Variants in TMEM132C observed in about 807,000 individuals in gnomAD.
TMEM132C encodes the protein protein phosphatase 1, regulatory subunit 152.
In TMEM132C, 29 loss-of-function variants were observed where a neutral mutation model predicts 61.4. That is an observed-to-expected ratio of 0.47 (90% CI 0.35 to 0.64). TMEM132C has a LOEUF of 0.64. TMEM132C is among the 30% of genes least tolerant of loss of function. The pLI is 0.00. For missense variants in TMEM132C, 1,408 were observed against 1,476.9 expected (o/e 0.95, Z 0.76); for synonymous variants, 656 against 633.1 (o/e 1.04, Z -0.54).
At chr12:128,420,376 G>A (rs146068980) in intron 2 of TMEM132C, among the ~76,000 whole-genome samples, 4 of 152,256 alleles carry the variant, frequency 2.6e-5, no homozygotes, top group African/African-American at 4.8e-5. Flanking sequence ...AGGGAAACAC[G>A]TGCAAAGGTC....
chr12:128,588,533 C>T (rs572008181), intron 3 of TMEM132C, among the ~76,000 whole-genome samples: 40 of 152,274 alleles, frequency 2.6e-4, no homozygotes, highest in Admixed American at 2.2e-3. Context: ...AGTTGGGAAT[C>T]GCCATGGGTT....
chr12:128,339,452 G>A (rs1330876087), intron 1 of TMEM132C, among the ~76,000 whole-genome samples: 3 of 151,978 alleles, frequency 2.0e-5, no homozygotes, highest in Non-Finnish European at 4.4e-5. Context: ...TCAGCACAGC[G>A]TGTTCCTAGG....
intron 1 of TMEM132C, among the ~76,000 whole-genome samples, chr12:128,411,544 T>C (rs1868549400): frequency 6.6e-6 from 1 of 152,238 alleles, no homozygotes; most frequent in Non-Finnish European, 1.5e-5. Flanking sequence ...GGACATATTC[T>C]GATCATTCTA....
At chr12:128,518,187 C>G (rs1300685015) in intron 2 of TMEM132C, among the ~76,000 whole-genome samples, 1 of 152,190 alleles carries the variant, frequency 6.6e-6, no homozygotes, top group African/African-American at 2.4e-5. Context: ...CTTGCATTTT[C>G]TGGGCCACTG....
rs554001269 is a variant in TMEM132C at position 128,439,755 on chromosome 12, G to A, written c.974+24135G>A. Among the ~76,000 whole-genome samples, 5 of 152,134 alleles carry A rather than the reference G, an allele frequency of 3.3e-5. No homozygotes were observed. The South Asian group carries it at 1.0e-3, about 32-fold the overall frequency. On this transcript the variant is annotated intron_variant, in intron 2 of 8. Coordinates refer to ENST00000435159, the MANE Select transcript of TMEM132C (RefSeq NM_001136103.3). ...CTGTAGCTGACTGTAGTGGGGAGGG[G>A]GTCAAAGGGAGGGCACAATTGGATT... is the stretch of plus-strand genomic sequence containing the variant.
At chr12:128,269,740 C>T (rs1185528578) in intron 1 of TMEM132C, among the ~76,000 whole-genome samples, 1 of 151,866 alleles carries the variant, frequency 6.6e-6, no homozygotes, top group African/African-American at 2.4e-5. Flanking sequence ...CCTCGGATTC[C>T]TCCACACGTA....
In TMEM132C at chr12:128,309,117, C is replaced by T. The variant is rs998422256; in HGVS notation, c.85+41630C>T. On this transcript the variant is annotated intron_variant, in intron 1 of 8. Coordinates refer to ENST00000435159, the MANE Select transcript of TMEM132C (RefSeq NM_001136103.3). ...AGGACCTTTCAGTGATCTCCCGTGA[C>T]GGGACTGCTGACCTCCAGCCAAGAC... Among the ~76,000 whole-genome samples the T allele has an allele frequency of 7.2e-5, 11 of 152,022 alleles. No individual in the cohort carries two copies. In the East Asian group the frequency reaches 1.2e-3, roughly 16 times the overall value.
intron 1 of TMEM132C, among the ~76,000 whole-genome samples, chr12:128,296,026 C>T (rs1345455271): frequency 1.3e-5 from 2 of 152,164 alleles, no homozygotes; most frequent in Non-Finnish European, 2.9e-5. Flanking sequence ...CCCTTGCCTC[C>T]CTTTCTTCCT....
chr12:128,298,727 G>A (rs1213222953), intron 1 of TMEM132C, among the ~76,000 whole-genome samples: 2 of 152,198 alleles, frequency 1.3e-5, no homozygotes, highest in African/African-American at 4.8e-5. Context: ...GATGAGGCTG[G>A]AGTTGTCTTT....
intron 1 of TMEM132C, among the ~76,000 whole-genome samples, chr12:128,386,275 GT>G (rs1399935220): frequency 3.3e-5 from 5 of 152,190 alleles, no homozygotes; most frequent in Non-Finnish European, 5.9e-5. Context: ...GCCTCTGAAA[GT>G]GGCACCGTTT....
intron 1 of TMEM132C, among the ~76,000 whole-genome samples, chr12:128,305,052 C>T (rs543019331): frequency 2.0e-5 from 3 of 152,032 alleles, no homozygotes; most frequent in Non-Finnish European, 4.4e-5. Context: ...GGGCTACTCT[C>T]ATCCCTTCTT....
At chr12:128,693,052 G>T (rs1408205876) in intron 5 of TMEM132C, among the ~76,000 whole-genome samples, 1 of 152,192 alleles carries the variant, frequency 6.6e-6, no homozygotes, top group Non-Finnish European at 1.5e-5. Context: ...CACAGAAGGG[G>T]TCTCATAAGG....
chr12:128,275,352 A>G (rs1592993420), intron 1 of TMEM132C, among the ~76,000 whole-genome samples: 1 of 152,162 alleles, frequency 6.6e-6, no homozygotes, highest in African/African-American at 2.4e-5. Context: ...CATAGAAGCT[A>G]GAATCCTATC....
At chr12:128,534,521 CT>C (rs1721839219) in intron 2 of TMEM132C, among the ~76,000 whole-genome samples, 7 of 152,256 alleles carry the variant, frequency 4.6e-5, no homozygotes, top group Admixed American at 4.6e-4. Flanking sequence ...CTGCCTGACC[CT>C]CCAGAAGCAG....
intron 1 of TMEM132C, among the ~76,000 whole-genome samples, chr12:128,276,060 A>G (rs576016726): frequency 3.9e-5 from 6 of 152,148 alleles, no homozygotes; most frequent in Non-Finnish European, 7.3e-5. Context: ...TTTATAACCC[A>G]CTGTAATCCA....
At chr12:128,585,651 C>T (rs1875517237) in intron 3 of TMEM132C, among the ~76,000 whole-genome samples, 1 of 152,182 alleles carries the variant, frequency 6.6e-6, no homozygotes, top group South Asian at 2.1e-4. Context: ...CTGGAACATT[C>T]TCTAAGAAAT....
In TMEM132C at chr12:128,371,536, TTTG is replaced by T. The variant is rs936335367; in HGVS notation, c.86-43184_86-43182del. 5.3e-5 allele frequency among the ~76,000 whole-genome samples: 8 copies of T among 152,280 alleles called. 1 individual carries two copies. The highest frequency in any genetic ancestry group is 1.7e-4 in the African/African-American group (7 of 41,554). On this transcript the variant is annotated intron_variant, in intron 1 of 8. Transcript: ENST00000435159. ...GCTTCCAACTGCTGGAAGTCATCTTTTTGTTGTTGTTGTTATTTATGTATGTAT... is the reference window on the plus strand; with the variant it reads ...GCTTCCAACTGCTGGAAGTCATCTTTTTGTTGTTGTTATTTATGTATGTAT...
intron 2 of TMEM132C, among the ~76,000 whole-genome samples, chr12:128,487,045 T>G (rs1871522493): frequency 6.6e-6 from 1 of 152,180 alleles, no homozygotes; most frequent in Admixed American, 6.5e-5. Context: ...TCAGCCCATT[T>G]GAGAGCCAAA....
intron 1 of TMEM132C, among the ~76,000 whole-genome samples, chr12:128,388,789 T>G (rs542850662): frequency 6.6e-6 from 1 of 152,234 alleles, no homozygotes; most frequent in Non-Finnish European, 1.5e-5. Flanking sequence ...GGGCGCTGAT[T>G]TTGTGTTGTT....
Sources: gnomAD v4.1 joint callset for allele counts (sites outside exome capture counted in the v4.1 genomes callset) on GRCh38, gnomAD v4.1.1 for gene constraint, MANE v1.5 for transcripts, NCBI Gene and HGNC (gene_info 2026-07-23, HGNC 2026-07-21) for gene names.